DMRT1: variants seen among roughly 807,000 people sequenced by gnomAD.
DMRT1 encodes the protein doublesex- and mab-3-related transcription factor 1.
Under a neutral mutation model 32.3 loss-of-function variants are expected in DMRT1, and 7 were observed. The observed-to-expected ratio is 0.22, with a 90% CI of 0.12 to 0.41. The LOEUF is 0.41. DMRT1 is among the 10% of genes least tolerant of loss of function. The probability of loss-of-function intolerance (pLI) is 1.00; values close to 1 mark genes in which losing one functional copy is unlikely to be tolerated. For missense variants in DMRT1, 625 were observed against 500.5 expected (o/e 1.25, Z -2.37); for synonymous variants, 278 against 206.1 (o/e 1.35, Z -2.99).
At chr9:907,825 A>ATG (rs1564242439) in intron 3 of DMRT1, among the ~76,000 whole-genome samples, 1 of 67,134 alleles carries the variant, frequency 1.5e-5, no homozygotes, top group African/African-American at 5.8e-5. Context: ...TCTCTAAAAT[A>ATG]TATATGTGTG....
intron 2 of DMRT1, among the ~76,000 whole-genome samples, chr9:855,293 C>CAT (rs59566156): frequency 0.42 from 64,225 of 151,696 alleles, 13,730 homozygotes; most frequent in East Asian, 0.59. Context: ...AGCCAGGAAA[C>CAT]GTAAATACAG....
intron 2 of DMRT1, among the ~76,000 whole-genome samples, chr9:858,965 C>G (rs1815532159): frequency 6.6e-6 from 1 of 151,762 alleles, no homozygotes; most frequent in Non-Finnish European, 1.5e-5. Context: ...GTGCAACTGT[C>G]ACCACCATCC....
chr9:870,708 A>AATTTTTTTTT (rs1564211315), intron 2 of DMRT1, among the ~76,000 whole-genome samples: 1 of 36,262 alleles, frequency 2.8e-5, no homozygotes, highest in African/African-American at 1.2e-4. Flanking sequence ...CATTTTCTTG[A>AATTTTTTTTT]CTTTTTTTTT....
intron 1 of DMRT1, among the ~76,000 whole-genome samples, chr9:844,416 C>T (rs943926019): frequency 7.1e-6 from 1 of 140,924 alleles, no homozygotes; most frequent in African/African-American, 3.2e-5. Context: ...AGGTCCTTAG[C>T]ATATGGAGTA....
At chr9:960,824 C>CA (rs1819748225) in intron 4 of DMRT1, among the ~76,000 whole-genome samples, 1 of 152,152 alleles carries the variant, frequency 6.6e-6, no homozygotes, top group Non-Finnish European at 1.5e-5. Context: ...CCTCTTCGAG[C>CA]TCAAGAAAGA....
intron 1 of DMRT1, 140 bp downstream of exon 1, chr9:842,332 T>A (rs1838725199): frequency 9.0e-7 from 1 of 1,109,412 alleles, no homozygotes. Context: ...CTTCCCGGGT[T>A]CAAGCAATTC....
In DMRT1 at chr9:894,137, A is replaced by G; in HGVS notation, c.764A>G (p.Asn255Ser). Residue 255 changes from asparagine to serine, a missense_variant, in exon 3 of 5, where the codon AAC becomes AGC. Coordinates refer to ENST00000382276, the MANE Select transcript of DMRT1 (RefSeq NM_021951.3). ...GNPLGGSPVK[N>S]SLRGLPGPYV... ...CCCCTCGGGGGATCCCCTGTGAAGA[A>G]CAGCCTTCGGGGCCTCCCCGGACCT... 1 of 1,614,202 alleles carries G rather than the reference A, an allele frequency of 6.2e-7. No homozygotes were observed. Among genetic ancestry groups the G allele is most frequent in the Non-Finnish European group, 8.5e-7 (1 of 1,180,040 alleles).
At chr9:893,722 T>G (rs1350760192) in intron 2 of DMRT1, among the ~76,000 whole-genome samples, 190 bp from the exon 3 acceptor site, 1 of 152,264 alleles carries the variant, frequency 6.6e-6, no homozygotes, top group Non-Finnish European at 1.5e-5. Flanking sequence ...GTCTTTCGGT[T>G]GTGCCACCAG....
At position 953,230 on chromosome 9, in the gene DMRT1, T is replaced by C. The variant is rs1012382439; in HGVS notation, c.968-14755T>C. Among the ~76,000 whole-genome samples the C allele has an allele frequency of 4.8e-3, 734 of 152,288 alleles. 6 individuals are homozygous for C. Among genetic ancestry groups the C allele is most frequent in the African/African-American group, 0.017 (686 of 41,556 alleles). ...TAAAACGTATCTGACGGCCACCCCT[T>C]ATCTATTTTTCTAAGGTAGTAGCTT... On this transcript the variant is annotated intron_variant, in intron 4 of 4. Transcript: ENST00000382276.
chr9:965,749 A>C lies in DMRT1; in HGVS notation c.968-2236A>C, dbSNP rs1277892531. Among the ~76,000 whole-genome samples the C allele has an allele frequency of 6.6e-6, 1 of 152,190 alleles. No individual in the cohort carries two copies. Among genetic ancestry groups the C allele is most frequent in the East Asian group, 1.9e-4 (1 of 5,198 alleles). ...CCTTAAACTCACACAGGGATTGGGA[A>C]GGTTCAGCTGCCAGTTCTGAAATGT... On this transcript the variant is annotated intron_variant, in intron 4 of 4. Transcript: ENST00000382276. This position sits in a 1 kb window ranked among gnomAD's most constrained non-coding sequence, Gnocchi z 4.5.
chr9:846,714 G>A lies in DMRT1; in HGVS notation c.355-246G>A, dbSNP rs965688894. On this transcript the variant is annotated intron_variant, in intron 1 of 4. Transcript: ENST00000382276. Reference sequence around the variant, plus strand: ...TCCTGCCTCAAGCTCTTGAGTAGCTGGGATTCCAGGTATCTGCGACCATGT... The same window carrying A: ...TCCTGCCTCAAGCTCTTGAGTAGCTAGGATTCCAGGTATCTGCGACCATGT... Among the ~76,000 whole-genome samples, 4 of 152,294 alleles carry A rather than the reference G, an allele frequency of 2.6e-5. No individual in the cohort carries two copies. In the East Asian group the frequency reaches 7.7e-4, roughly 29 times the overall value.
chr9:902,313 C>T (rs1022117412), intron 3 of DMRT1, among the ~76,000 whole-genome samples: 10 of 150,672 alleles, frequency 6.6e-5, no homozygotes, highest in Admixed American at 4.0e-4. Flanking sequence ...TTGTCTCTCG[C>T]CTCCTTCCTA....
chr9:851,045 AG>A (rs67664661), intron 2 of DMRT1, among the ~76,000 whole-genome samples: 1,992 of 14,050 alleles, frequency 0.14, 68 homozygotes, highest in Middle Eastern at 0.29. Flanking sequence ...AAAAAAAAAA[AG>A]AAAGAAAAAT....
intron 3 of DMRT1, among the ~76,000 whole-genome samples, chr9:898,774 C>G (rs544696398): frequency 1.3e-3 from 193 of 152,364 alleles, no homozygotes; most frequent in African/African-American, 4.5e-3. Flanking sequence ...CTCCTCCTAA[C>G]TTAACCAGAT....
chr9:864,957 C>A (rs1033764884), intron 2 of DMRT1, among the ~76,000 whole-genome samples: 7 of 152,076 alleles, frequency 4.6e-5, no homozygotes, highest in African/African-American at 1.4e-4. Context: ...GGCCGTGATG[C>A]AGGAATGGGG....
chr9:858,865 AAAAAAATATATAT>A (rs781655160), intron 2 of DMRT1, among the ~76,000 whole-genome samples: 3,526 of 61,534 alleles, frequency 0.057, 88 homozygotes, highest in African/African-American at 0.14. Context: ...AAAAAAAAAA[AAAAAAATATATAT>A]ATATATATAT....
At chr9:901,691 C>G (rs150323657) in intron 3 of DMRT1, among the ~76,000 whole-genome samples, 2,090 of 151,582 alleles carry the variant, frequency 0.014, 101 homozygotes, top group East Asian at 0.051. Flanking sequence ...CCACTGAGCT[C>G]CACGGTCAGG....
At chr9:943,631 G>A (rs1819149344) in intron 4 of DMRT1, among the ~76,000 whole-genome samples, 1 of 152,170 alleles carries the variant, frequency 6.6e-6, no homozygotes. Context: ...CATGGGGATG[G>A]TGGGGATATG....
At chr9:918,714 C>G (rs534495719) in intron 4 of DMRT1, among the ~76,000 whole-genome samples, 3 of 78,894 alleles carry the variant, frequency 3.8e-5, no homozygotes, top group African/African-American at 8.0e-5. Context: ...GCTTCAGAAA[C>G]GAGAGCTGGG....
Sources: gnomAD v4.1 joint callset for allele counts (sites outside exome capture counted in the v4.1 genomes callset) on GRCh38, gnomAD v4.1.1 for gene constraint, Gnocchi (gnomAD v3.1) non-coding constraint, MANE v1.5 for transcripts, NCBI Gene and HGNC (gene_info 2026-07-23, HGNC 2026-07-21) for gene names.